Variants in TIGAR observed in about 807,000 individuals in gnomAD.
TIGAR encodes the protein TP53 induced glycolysis regulatory phosphatase, also known as fructose-2,6-bisphosphatase TIGAR.
A neutral mutation model predicts 17.9 loss-of-function variants in TIGAR; 7 were observed. The ratio of observed to expected loss-of-function variants is 0.39; its 90% CI spans 0.22 to 0.73. The LOEUF is 0.73. TIGAR is among the 30% of genes least tolerant of loss of function. TIGAR has a pLI of 0.42. For synonymous variants in TIGAR, 94 were observed against 108.6 expected (o/e 0.87, Z 0.84); for missense variants, 258 against 327.4 (o/e 0.79, Z 1.64).
chr12:4,332,461 C>A (rs1864614333), intron 2 of TIGAR, among the ~76,000 whole-genome samples: 1 of 152,110 alleles, frequency 6.6e-6, no homozygotes, highest in Non-Finnish European at 1.5e-5. Flanking sequence ...CCAGGCTGGT[C>A]TTGAACTCCT....
intron 2 of TIGAR, among the ~76,000 whole-genome samples, chr12:4,331,654 A>G (rs184783441): frequency 6.6e-5 from 10 of 152,332 alleles, no homozygotes; most frequent in African/African-American, 2.4e-4. Context: ...GGAAACATGA[A>G]GTTTACTGAC....
intron 3 of TIGAR, among the ~76,000 whole-genome samples, chr12:4,343,258 G>A (rs1443499772): frequency 6.6e-6 from 1 of 152,134 alleles, no homozygotes; most frequent in Non-Finnish European, 1.5e-5. Context: ...CCTACAAAGA[G>A]ACTTCAACTC....
rs920638479 is a variant in TIGAR, at chr12:4,358,300, AAAG to A, written c.*5612_*5614del. ...GCTGGGCGTCTCCAAAAAAAAAAAA[AAAG>A]AAAAAGAAAAATCACTGAGCTACTG... is the stretch of plus-strand genomic sequence containing the variant. On this transcript the variant is annotated 3_prime_UTR_variant, in exon 6 of 6. Coordinates refer to ENST00000179259, the MANE Select transcript of TIGAR (RefSeq NM_020375.3). Among the ~76,000 whole-genome samples, 3 of 152,062 alleles carry A rather than the reference AAAG, an allele frequency of 2.0e-5. No individual in the cohort carries two copies. The highest frequency in any genetic ancestry group is 3.4e-3 in the Middle Eastern group (1 of 294).
intron 3 of TIGAR, among the ~76,000 whole-genome samples, chr12:4,341,783 T>TG (rs1864725221): frequency 6.6e-6 from 1 of 151,904 alleles, no homozygotes. Flanking sequence ...ACCACAAAGA[T>TG]GGGGAAAAAA....
At chr12:4,349,663 C>T (rs763874193) in intron 3 of TIGAR, among the ~76,000 whole-genome samples, 156 bp from the exon 4 acceptor site, 6 of 152,156 alleles carry the variant, frequency 3.9e-5, no homozygotes, top group Non-Finnish European at 5.9e-5. Context: ...ATGATCCACC[C>T]GCCTCAGCCT....
chr12:4,351,367 C>T lies in TIGAR; in HGVS notation c.371C>T (p.Thr124Met), dbSNP rs1224121261. ...GTGTTTACACCGCCCGGAGGAGAGA[C>T]GCTGGACCAGGTATGTGGCGCTGCC... ...CPVFTPPGGE[T>M]LDQVKMRGID... is the part of the protein sequence containing the mutation. The change falls in exon 5 of 6, where the codon ACG becomes ATG. Residue 124 changes from threonine (T) to methionine (M), a missense_variant. By Grantham distance (81) the Thr-to-Met change is moderately conservative (BLOSUM62 -1). Coordinates refer to ENST00000179259, the MANE Select transcript of TIGAR (RefSeq NM_020375.3). 5.0e-6 allele frequency: 8 copies of T among 1,613,900 alleles called. No homozygotes were observed. The highest frequency in any genetic ancestry group is 6.8e-6 in the Non-Finnish European group (8 of 1,179,846).
At chr12:4,342,807 G>C (rs1864738504) in intron 3 of TIGAR, among the ~76,000 whole-genome samples, 1 of 152,158 alleles carries the variant, frequency 6.6e-6, no homozygotes, top group Admixed American at 6.5e-5. Flanking sequence ...GACCATCAAT[G>C]CTAGGAAGAA....
At chr12:4,341,553 C>T (rs948901499) in intron 3 of TIGAR, among the ~76,000 whole-genome samples, 3 of 152,206 alleles carry the variant, frequency 2.0e-5, no homozygotes, top group Non-Finnish European at 2.9e-5. Flanking sequence ...TCCAGAGGAG[C>T]GATCAGGCAG....
At chr12:4,323,547 CAT>C (rs1480288980) in intron 1 of TIGAR, among the ~76,000 whole-genome samples, 1 of 152,168 alleles carries the variant, frequency 6.6e-6, no homozygotes, top group Non-Finnish European at 1.5e-5. Context: ...TCATTTTTCA[CAT>C]GAGGCAGCTG....
In TIGAR at chr12:4,321,214, G is replaced by T. The variant is rs892777477; in HGVS notation, c.-58G>T. The T allele has an allele frequency of 1.6e-5, 26 of 1,596,506 alleles. No homozygotes were observed. In the South Asian group the frequency reaches 2.0e-4, roughly 12 times the overall value. ...TGGCGGAAGTGGTGTGGGGGAGGTA[G>T]CCCGCAGTGCAGGGGCAGCGCGGCG... On this transcript the variant is annotated 5_prime_UTR_variant, in exon 1 of 6. Transcript: ENST00000179259. The surrounding 1 kb of genome is among the most constrained non-coding windows in gnomAD (Gnocchi z 5.2).
chr12:4,349,169 GTC>G (rs1437174202), intron 3 of TIGAR, among the ~76,000 whole-genome samples: 32 of 152,168 alleles, frequency 2.1e-4, no homozygotes, highest in Non-Finnish European at 4.4e-5. Flanking sequence ...AGTCTATACA[GTC>G]TCTGTTAACA....
chr12:4,348,364 C>T (rs1341676047), intron 3 of TIGAR, among the ~76,000 whole-genome samples: 1 of 152,130 alleles, frequency 6.6e-6, no homozygotes, highest in Non-Finnish European at 1.5e-5. Context: ...AAACCCATAT[C>T]TACATTCATT....
chr12:4,353,877 T>C lies in TIGAR; in HGVS notation c.*1186T>C, dbSNP rs1035159094. The C allele has an allele frequency of 1.5e-4, 23 of 152,522 alleles. No individual in the cohort carries two copies. The East Asian group carries it at 4.1e-3, about 27-fold the overall frequency. 9.4% of individuals were successfully genotyped at this position (152,522 alleles called of 1,614,324 possible). On this transcript the variant is annotated 3_prime_UTR_variant, in exon 6 of 6. Transcript: ENST00000179259. ...GGCGGGGTGGTTGGGGGGGAGAGAA[T>C]GTTGCTCTGATAACCACAGCTGTGG...
intron 3 of TIGAR, among the ~76,000 whole-genome samples, chr12:4,338,293 T>C (rs957971143): frequency 5.3e-5 from 8 of 152,170 alleles, no homozygotes; most frequent in African/African-American, 1.9e-4. Flanking sequence ...TTTTCAGATA[T>C]TAGACTTTGG....
At position 4,354,014 on chromosome 12, in the gene TIGAR, CTT is replaced by C. The variant is rs1461072907; in HGVS notation, c.*1325_*1326del. On this transcript the variant is annotated 3_prime_UTR_variant, in exon 6 of 6. Transcript: ENST00000179259. Reference sequence around the variant, plus strand: ...TACACAAGATTGGTCTTTCAGAAATCTTTATCTAAATGAAGAAACTGTTCTAC... The same window carrying C: ...TACACAAGATTGGTCTTTCAGAAATCTATCTAAATGAAGAAACTGTTCTAC... 1.2e-4 allele frequency: 18 copies of C among 152,612 alleles called. No individual in the cohort carries two copies. In the East Asian group the frequency reaches 2.5e-3, roughly 21 times the overall value. The allele number at this position is 152,612 out of a possible 1,614,324, so 9.5% of individuals were successfully genotyped here.
At position 4,357,831 on chromosome 12, in the gene TIGAR, T is replaced by C. The variant is rs528521009; in HGVS notation, c.*5140T>C. Among the ~76,000 whole-genome samples, 69 of 152,200 alleles carry C rather than the reference T, an allele frequency of 4.5e-4. No individual in the cohort carries two copies. The highest frequency in any genetic ancestry group is 3.4e-3 in the Middle Eastern group (1 of 294). ...AAGCAATCGCTGAGGTGGCTGGGCG[T>C]GGTGGCTCGCACCTGTAATCCCAGC... On this transcript the variant is annotated 3_prime_UTR_variant, in exon 6 of 6. Coordinates refer to ENST00000179259, the MANE Select transcript of TIGAR (RefSeq NM_020375.3).
At position 4,359,617 on chromosome 12, in the gene TIGAR, A is replaced by G. The variant is rs1199845327; in HGVS notation, c.*6926A>G. Among the ~76,000 whole-genome samples the G allele has an allele frequency of 6.6e-6, 1 of 152,198 alleles. No homozygotes were observed. Among genetic ancestry groups the G allele is most frequent in the East Asian group, 1.9e-4 (1 of 5,198 alleles). On this transcript the variant is annotated 3_prime_UTR_variant, in exon 6 of 6. Coordinates refer to ENST00000179259, the MANE Select transcript of TIGAR (RefSeq NM_020375.3). ...TTTATTCTTCCATTGACGGAACACA[A>G]GGACCATTTCTAGTTTGGAGCTATT...
chr12:4,331,029 A>G (rs556230430), intron 1 of TIGAR, among the ~76,000 whole-genome samples: 16 of 123,094 alleles, frequency 1.3e-4, no homozygotes, highest in Admixed American at 7.9e-4. Context: ...TCCACCTGCA[A>G]TTCACTTAAG....
rs1591667947 is a variant in TIGAR, at chr12:4,356,045, A to C, written c.*3354A>C. Among the ~76,000 whole-genome samples the C allele has an allele frequency of 6.6e-6, 1 of 152,198 alleles. No homozygotes were observed. Among genetic ancestry groups the C allele is most frequent in the Non-Finnish European group, 1.5e-5 (1 of 68,040 alleles). On this transcript the variant is annotated 3_prime_UTR_variant, in exon 6 of 6. Coordinates refer to ENST00000179259, the MANE Select transcript of TIGAR (RefSeq NM_020375.3). ...TTTTACTCAAGTGAGATGAGATGCC[A>C]TTGGCCAGTTTGGGCAGTGATGTGA... is the stretch of plus-strand genomic sequence containing the variant.
Sources: gnomAD v4.1 joint callset for allele counts (sites outside exome capture counted in the v4.1 genomes callset) on GRCh38, gnomAD v4.1.1 for gene constraint, Gnocchi (gnomAD v3.1) non-coding constraint, MANE v1.5 for transcripts, NCBI Gene and HGNC (gene_info 2026-07-23, HGNC 2026-07-21) for gene names.